Variants in CDC20B observed in about 807,000 individuals in gnomAD.
CDC20B encodes cell division cycle 20B, also known as cell division cycle protein 20 homolog B.
Under a neutral mutation model 64.1 loss-of-function variants are expected in CDC20B, and 58 were observed. The ratio of observed to expected loss-of-function variants is 0.90; its 90% CI spans 0.73 to 1.13. The LOEUF is 1.13. Among genes scored for constraint, CDC20B ranks in the 50% most tolerant of loss-of-function variants. The pLI is 0.00. For synonymous variants in CDC20B, 243 were observed against 230.6 expected (o/e 1.05, Z -0.49); for missense variants, 597 against 633.0 (o/e 0.94, Z 0.61).
chr5:55,159,507 A>G (rs1280673096), intron 2 of CDC20B, among the ~76,000 whole-genome samples: 1 of 152,186 alleles, frequency 6.6e-6, no homozygotes, highest in African/African-American at 2.4e-5. Flanking sequence ...GGGGGTCATG[A>G]GTAGAAATTT....
At chr5:55,163,342 C>T (rs973063682) in intron 2 of CDC20B, among the ~76,000 whole-genome samples, 8 of 151,784 alleles carry the variant, frequency 5.3e-5, no homozygotes, top group South Asian at 2.1e-4. Context: ...GGCAACACAG[C>T]GAGACCCTGC....
chr5:55,140,471 A>AT, intron 4 of CDC20B, 64 bp from the exon 5 acceptor site: 1 of 1,077,094 alleles, frequency 9.3e-7, no homozygotes, highest in Non-Finnish European at 1.4e-6. Flanking sequence ...CTAAAATGTA[A>AT]TGTATAATAT....
At chr5:55,164,227 T>C in intron 2 of CDC20B, 1 of 1,519,760 alleles carries the variant, frequency 6.6e-7, no homozygotes, top group South Asian at 1.3e-5. Flanking sequence ...GAGAATGCCA[T>C]TGCGTTTCTA....
intron 2 of CDC20B, among the ~76,000 whole-genome samples, chr5:55,161,468 A>G (rs1385572571): frequency 6.6e-6 from 1 of 152,208 alleles, no homozygotes; most frequent in Non-Finnish European, 1.5e-5. Context: ...AAAGAATTCT[A>G]TTCCAATATA....
chr5:55,125,372 T>C (rs1017321764), intron 8 of CDC20B, among the ~76,000 whole-genome samples: 1 of 152,226 alleles, frequency 6.6e-6, no homozygotes, highest in African/African-American at 2.4e-5. Context: ...CTAGGAAATA[T>C]TAACACTTTT....
intron 2 of CDC20B, among the ~76,000 whole-genome samples, chr5:55,154,498 C>T (rs7716364): frequency 0.02 from 2,975 of 152,142 alleles, 95 homozygotes; most frequent in African/African-American, 0.068. Flanking sequence ...GCCTGGGTGA[C>T]AGAGTGAGAC....
At chr5:55,167,899 GCACACAC>G (rs1477717334) in intron 2 of CDC20B, among the ~76,000 whole-genome samples, 2 of 152,064 alleles carry the variant, frequency 1.3e-5, no homozygotes, top group Non-Finnish European at 2.9e-5. Context: ...AGGTGCGGTA[GCACACAC>G]CTGTGGTTCC....
intron 4 of CDC20B, among the ~76,000 whole-genome samples, chr5:55,141,865 C>T (rs1227680079): frequency 6.6e-6 from 1 of 152,136 alleles, no homozygotes; most frequent in Non-Finnish European, 1.5e-5. Context: ...GTAACCCAGG[C>T]CTTCACCCAC....
intron 5 of CDC20B, 128 bp downstream of exon 5, chr5:55,140,186 T>C: frequency 1.9e-6 from 1 of 528,190 alleles, no homozygotes; most frequent in Non-Finnish European, 3.2e-6. Context: ...TGAGAATTAT[T>C]CATATTTTAC....
rs1283993780 is a variant in CDC20B at position 55,114,283 on chromosome 5, G to T, written c.1495C>A (p.Pro499Thr). The change falls in exon 12 of 12, where the codon CCA becomes ACA. Residue 499 changes from proline to threonine, a missense_variant. Pro to Thr is a conservative substitution (Grantham distance 38). This residue lies in a region of CDC20B where 353 missense variants were observed against 397.0 expected (regional missense o/e 0.89). Coordinates refer to ENST00000381375, the MANE Select transcript of CDC20B (RefSeq NM_001170402.1). The surrounding 1 kb of genome is among the most constrained non-coding windows in gnomAD (Gnocchi z 4.1). ...RGRVLHLSLS[P>T]DQTRVFSAAA... ...GCAGAAAACACCCGGGTCTGGTCTGGACTCAAAGACAGGTGCAGCACTCTG... is the reference window on the plus strand; with the variant it reads ...GCAGAAAACACCCGGGTCTGGTCTGTACTCAAAGACAGGTGCAGCACTCTG... 6.2e-7 allele frequency: 1 copy of T among 1,613,860 alleles called. No individual in the cohort carries two copies. Among genetic ancestry groups the T allele is most frequent in the East Asian group, 2.2e-5 (1 of 44,870 alleles).
chr5:55,160,507 T>C (rs1280730521), intron 2 of CDC20B: 3 of 735,610 alleles, frequency 4.1e-6, no homozygotes, highest in African/African-American at 3.5e-5. Flanking sequence ...GAATTTAGTC[T>C]TCAGAGTAAT....
At chr5:55,123,639 G>C (rs571137288) in intron 9 of CDC20B, among the ~76,000 whole-genome samples, 1 of 152,160 alleles carries the variant, frequency 6.6e-6, no homozygotes, top group Admixed American at 6.5e-5. Context: ...CTCTCTCTTA[G>C]TGAAAAGGAC....
chr5:55,117,930 C>T (rs1031600512), intron 11 of CDC20B, among the ~76,000 whole-genome samples: 3 of 152,070 alleles, frequency 2.0e-5, no homozygotes, highest in Non-Finnish European at 4.4e-5. Context: ...GCCTGGCCAA[C>T]ATGGAGAAAC....
intron 2 of CDC20B, among the ~76,000 whole-genome samples, chr5:55,154,245 A>C (rs1219795618): frequency 3.3e-5 from 5 of 152,190 alleles, no homozygotes; most frequent in African/African-American, 9.6e-5. Context: ...GGTCTGGCGC[A>C]GTGGCTTACA....
At chr5:55,147,744 A>G (rs1743537205) in intron 2 of CDC20B, among the ~76,000 whole-genome samples, 1 of 152,140 alleles carries the variant, frequency 6.6e-6, no homozygotes, top group African/African-American at 2.4e-5. Flanking sequence ...TATAAATATT[A>G]CCATTACATA....
intron 5 of CDC20B, among the ~76,000 whole-genome samples, chr5:55,134,138 C>G (rs1743098566): frequency 6.6e-6 from 1 of 152,116 alleles, no homozygotes; most frequent in Admixed American, 6.6e-5. Flanking sequence ...CAGTTCTCAT[C>G]AAAAGACCAT....
At chr5:55,152,197 C>T (rs1419825208) in intron 2 of CDC20B, among the ~76,000 whole-genome samples, 1 of 152,210 alleles carries the variant, frequency 6.6e-6, no homozygotes, top group Non-Finnish European at 1.5e-5. Context: ...CTGCTGACAC[C>T]CCAGCTTCTG....
intron 5 of CDC20B, chr5:55,137,191 A>G (rs867149562): frequency 0.025 from 4,011 of 161,492 alleles, 173 homozygotes; most frequent in African/African-American, 0.081. Flanking sequence ...AAAAAAAAAA[A>G]AAAGAAAGAA....
intron 11 of CDC20B, among the ~76,000 whole-genome samples, chr5:55,118,976 T>C (rs1210440545): frequency 6.6e-6 from 1 of 152,146 alleles, no homozygotes; most frequent in Non-Finnish European, 1.5e-5. Context: ...GGCAAGAACA[T>C]TGTCTCTCTT....
Sources: allele counts gnomAD v4.1 joint callset (sites outside exome capture counted in the v4.1 genomes callset), GRCh38; gene constraint gnomAD v4.1.1; regional missense constraint gnomAD v4.1.1; non-coding constraint Gnocchi (gnomAD v3.1); transcripts MANE v1.5; gene names NCBI Gene and HGNC (gene_info 2026-07-23, HGNC 2026-07-21).